SPTBN4: variants seen among roughly 807,000 people sequenced by gnomAD.
SPTBN4 encodes the protein spectrin beta chain, non-erythrocytic 4.
SPTBN4 carries 96 observed loss-of-function variants against 277.8 expected under a neutral mutation model. That is an observed-to-expected ratio of 0.35 (90% confidence interval 0.29 to 0.41). The LOEUF (loss-of-function observed/expected upper bound fraction) is 0.41, where lower values mean the gene tolerates loss of function less well. SPTBN4 is among the 10% of genes least tolerant of loss of function. SPTBN4 has a pLI of 1.00. For synonymous variants in SPTBN4, 1,481 were observed against 1,580.3 expected, an observed-to-expected ratio of 0.94 and a Z score of 1.49; for missense variants, 3,006 against 3,595.7, an observed-to-expected ratio of 0.84 and a Z score of 4.19.
intron 12 of SPTBN4, among the ~76,000 whole-genome samples, chr19:40,504,668 CA>C (rs528324531): frequency 1.3e-4 from 18 of 133,598 alleles, no homozygotes; most frequent in East Asian, 4.5e-4. Context: ...GACTCCGTCT[CA>C]AAAAAAAAAA....
intron 30 of SPTBN4, 52 bp from the exon 31 acceptor site, chr19:40,567,611 A>AAAACC: frequency 1.7e-6 from 2 of 1,190,520 alleles, no homozygotes; most frequent in Non-Finnish European, 2.2e-6. Context: ...CCTCCCCCTT[A>AAAACC]CCCCGCCCCG....
chr19:40,535,999 A>G (rs1247053842), intron 20 of SPTBN4, among the ~76,000 whole-genome samples: 1 of 152,126 alleles, frequency 6.6e-6, no homozygotes, highest in African/African-American at 2.4e-5. Flanking sequence ...GGTACCTACT[A>G]TGTGCCCGGC....
chr19:40,510,645 G>A (rs368380359), intron 13 of SPTBN4, among the ~76,000 whole-genome samples: 7 of 152,264 alleles, frequency 4.6e-5, no homozygotes, highest in African/African-American at 1.4e-4. Context: ...TGGATACCTT[G>A]TGGTTTGAGT....
Position 40,502,197 on chromosome 19 carries a change from G to A in SPTBN4, c.967G>A (p.Ala323Thr). ...RYEELAAELL[A>T]WIHRTVGLIS... ...CGAGGAGCTGGCGGCTGAGCTGCTG[G>A]CCTGGATCCACCGCACCGTGGGCCT... is the stretch of plus-strand genomic sequence containing the variant. Residue 323 changes from alanine to threonine, a missense_variant, in exon 9 of 36, where the codon GCC becomes ACC. Ala to Thr is a moderately conservative substitution (Grantham distance 58). Coordinates refer to ENST00000598249, the MANE Select transcript of SPTBN4 (RefSeq NM_020971.3). This position sits in a 1 kb window ranked among gnomAD's most constrained non-coding sequence, Gnocchi z 4.9. 6.2e-7 allele frequency: 1 copy of A among 1,614,078 alleles called. No individual in the cohort carries two copies. The highest frequency in any genetic ancestry group is 2.2e-5 in the East Asian group (1 of 44,882).
At position 40,532,817 on chromosome 19, in the gene SPTBN4, C is replaced by T. The variant is rs781109677; in HGVS notation, c.4095+46C>T. The T allele has an allele frequency of 3.8e-6, 6 of 1,564,776 alleles. No individual in the cohort carries two copies. In the Admixed American group the frequency reaches 9.0e-5, roughly 23 times the overall value. On this transcript the variant is annotated intron_variant, in intron 19 of 35. Coordinates refer to ENST00000598249, the MANE Select transcript of SPTBN4 (RefSeq NM_020971.3). ...TCTGCCTGTGCCAGGTGCAGGAGGC[C>T]TCCAGGGAGCCCACGTCTCACCTGC...
chr19:40,467,635 G>C (rs1007399504), intron 1 of SPTBN4, among the ~76,000 whole-genome samples: 4 of 146,488 alleles, frequency 2.7e-5, no homozygotes, highest in African/African-American at 7.7e-5. Context: ...GGGGGGGGGG[G>C]GTGTTGGGGG....
In SPTBN4 at chr19:40,513,051, C is replaced by T; in HGVS notation, c.2262C>T (p.Arg754=). The T allele has an allele frequency of 7.0e-7, 1 of 1,420,580 alleles. No homozygotes were observed. Among genetic ancestry groups the T allele is most frequent in the Non-Finnish European group, 9.1e-7 (1 of 1,094,634 alleles). The allele number at this position is 1,420,580 out of a possible 1,614,324, so 88.0% of individuals were successfully genotyped here. A position where few individuals can be genotyped will look rare whatever the true frequency, so the allele number is the denominator to read the frequency against. ...AGCGCGCGGCGAGCGCCCGGCGCCG[C>T]TGGCAGAGGCTGGAAGAGGCGGCGG... ...LAERAASARR[R]WQRLEEAAAR... is the part of the protein sequence containing the mutation. The change falls in exon 14 of 36, where the codon CGC becomes CGT. Residue 754 remains arginine, a synonymous_variant. Coordinates refer to ENST00000598249, the MANE Select transcript of SPTBN4 (RefSeq NM_020971.3).
At chr19:40,503,389 G>T (rs2080285511) in intron 11 of SPTBN4, among the ~76,000 whole-genome samples, 1 of 151,860 alleles carries the variant, frequency 6.6e-6, no homozygotes, top group Non-Finnish European at 1.5e-5. Context: ...CTTGTTTCCA[G>T]GGTAACTGGA....
chr19:40,497,081 A>T (rs1670317448), intron 6 of SPTBN4, among the ~76,000 whole-genome samples: 1 of 151,470 alleles, frequency 6.6e-6, no homozygotes, highest in Non-Finnish European at 1.5e-5. Flanking sequence ...TCAAAAAAAA[A>T]AAAAAAAAAA....
rs148876431 is a variant in SPTBN4, at chr19:40,496,445, C to T, written c.669-1044C>T. Among the ~76,000 whole-genome samples the T allele has an allele frequency of 3.4e-4, 51 of 152,018 alleles. 1 individual carries two copies. The East Asian group carries it at 7.0e-3, about 21-fold the overall frequency. On this transcript the variant is annotated intron_variant, in intron 6 of 35. Transcript: ENST00000598249. The stretch of plus-strand genomic sequence containing the variant: ...GATTACAGGCATGTGCCACCACGCC[C>T]GGCTAATTTTGTTTGTTTAGTGGAG...
chr19:40,501,887 A>T, intron 7 of SPTBN4, 34 bp from the exon 8 acceptor site: 1 of 1,534,758 alleles, frequency 6.5e-7, no homozygotes, highest in Non-Finnish European at 9.0e-7. Flanking sequence ...CAAAGTGCCC[A>T]CTGTCTTGTT....
chr19:40,533,704 T>C (rs1270903065), intron 19 of SPTBN4, among the ~76,000 whole-genome samples: 2 of 152,098 alleles, frequency 1.3e-5, no homozygotes, highest in East Asian at 3.9e-4. Flanking sequence ...TCCTTGTCTT[T>C]CTTACGGTCC....
chr19:40,556,996 A>AACC, intron 25 of SPTBN4, 27 bp from the exon 26 acceptor site: 1 of 1,363,592 alleles, frequency 7.3e-7, no homozygotes, highest in Non-Finnish European at 9.8e-7. Context: ...ACTTTGCTGT[A>AACC]CCCCCCCCCC....
chr19:40,528,161 C>T (rs2080617478), intron 17 of SPTBN4, among the ~76,000 whole-genome samples: 1 of 151,320 alleles, frequency 6.6e-6, no homozygotes, highest in South Asian at 2.1e-4. Flanking sequence ...CATTCTCTCT[C>T]TCTCCCTGGG....
At position 40,560,631 on chromosome 19, in the gene SPTBN4, C is replaced by T; in HGVS notation, c.5915+228C>T. 7.0e-7 allele frequency: 1 copy of T among 1,434,500 alleles called. No homozygotes were observed. Among genetic ancestry groups the T allele is most frequent in the South Asian group, 1.5e-5 (1 of 67,152 alleles). The allele number at this position is 1,434,500 out of a possible 1,614,324, so 88.9% of individuals were successfully genotyped here. Reference sequence around the variant, plus strand: ...GGCATCCTTCTGTCCGCTGTCCTTCCCAGTTGCCTATTATTACCCTCTCCA... The same window carrying T: ...GGCATCCTTCTGTCCGCTGTCCTTCTCAGTTGCCTATTATTACCCTCTCCA... On this transcript the variant is annotated intron_variant, in intron 27 of 35. Transcript: ENST00000598249. The surrounding 1 kb of genome is among the most constrained non-coding windows in gnomAD (Gnocchi z 5.2).
intron 33 of SPTBN4, 45 bp from the exon 34 acceptor site, chr19:40,571,974 G>T: frequency 6.7e-7 from 1 of 1,502,944 alleles, no homozygotes; most frequent in Non-Finnish European, 8.9e-7. Flanking sequence ...GAGTTATTAG[G>T]CAGAGTGCTG....
In SPTBN4 at chr19:40,513,761, T is replaced by C. The variant is rs74907842; in HGVS notation, c.2765+207T>C. 7.0e-4 allele frequency among the ~76,000 whole-genome samples: 106 copies of C among 152,260 alleles called. 1 individual carries two copies. Among genetic ancestry groups the C allele is most frequent in the Non-Finnish European group, 1.3e-3 (89 of 68,016 alleles). On this transcript the variant is annotated intron_variant, in intron 14 of 35. Coordinates refer to ENST00000598249, the MANE Select transcript of SPTBN4 (RefSeq NM_020971.3). ...ACCTGTATAATGGGGGTGATATTAG[T>C]CCCTACCCAGGCTTGTGATGAACGG...
intron 18 of SPTBN4, among the ~76,000 whole-genome samples, chr19:40,529,889 G>A (rs1307364013): frequency 6.6e-6 from 1 of 152,018 alleles, no homozygotes; most frequent in East Asian, 1.9e-4. Context: ...CAGGAACCAG[G>A]TCTAACCCCT....
intron 33 of SPTBN4, chr19:40,570,934 G>C (rs912121884): frequency 5.7e-6 from 3 of 523,838 alleles, no homozygotes; most frequent in South Asian, 2.7e-5. Context: ...TTAACGTCAG[G>C]CCCTCCAACC....
Sources: gnomAD v4.1 joint callset for allele counts (sites outside exome capture counted in the v4.1 genomes callset) on GRCh38, gnomAD v4.1.1 for gene constraint, Gnocchi (gnomAD v3.1) non-coding constraint, MANE v1.5 for transcripts, NCBI Gene and HGNC (gene_info 2026-07-23, HGNC 2026-07-21) for gene names.